Variants in SMG6 observed in about 807,000 individuals in gnomAD.
SMG6 encodes telomerase-binding protein EST1A.
SMG6 carries 66 observed loss-of-function variants against 142.2 expected under a neutral mutation model. That is an observed-to-expected ratio of 0.46 (90% CI 0.38 to 0.57). The LOEUF is 0.57. SMG6 is among the 20% of genes least tolerant of loss of function. SMG6 has a pLI of 0.00. For synonymous variants in SMG6, 779 were observed against 702.4 expected, an observed-to-expected ratio of 1.11 and a Z score of -1.72; for missense variants, 1,793 against 1,832.0, an observed-to-expected ratio of 0.98 and a Z score of 0.39.
rs199608381 is a variant in SMG6, at chr17:2,280,270, CTT to C, written c.2661+2375_2661+2376del. 2.7e-5 allele frequency among the ~76,000 whole-genome samples: 4 copies of C among 148,592 alleles called. No individual in the cohort carries two copies. In the South Asian group the frequency reaches 6.4e-4, roughly 24 times the overall value. ...GTTATGAAACTGCAGATTTCTTTTTCTTTTTTTTTTGAGACAAAGTCTGGCTT... is the reference window on the plus strand; with the variant it reads ...GTTATGAAACTGCAGATTTCTTTTTCTTTTTTTTGAGACAAAGTCTGGCTT... On this transcript the variant is annotated intron_variant, in intron 8 of 18. Transcript: ENST00000263073.
At position 2,284,387 on chromosome 17, in the gene SMG6, T is replaced by C. The variant is rs147978606; in HGVS notation, c.2338-652A>G. Reference sequence around the variant, plus strand: ...AATAAATAAGTAGCTGAGTTGAACATTTTATGGATATTATTCAAGAAATTC... The same window carrying C: ...AATAAATAAGTAGCTGAGTTGAACACTTTATGGATATTATTCAAGAAATTC... On this transcript the variant is annotated intron_variant, in intron 6 of 18. Transcript: ENST00000263073. 2.3e-4 allele frequency among the ~76,000 whole-genome samples: 35 copies of C among 152,276 alleles called. 1 individual carries two copies. In the East Asian group the frequency reaches 6.5e-3, roughly 28 times the overall value.
At chr17:2,144,415 C>T (rs557032531) in intron 13 of SMG6, among the ~76,000 whole-genome samples, 25 of 152,150 alleles carry the variant, frequency 1.6e-4, no homozygotes, top group Non-Finnish European at 3.1e-4. Flanking sequence ...TCATGTTTCC[C>T]GGGCGGGTCT....
In SMG6 at chr17:2,200,817, C is replaced by T. The variant is rs113563207; in HGVS notation, c.2870-12302G>A. Among the ~76,000 whole-genome samples, 824 of 152,272 alleles carry T rather than the reference C, an allele frequency of 5.4e-3. 4 individuals are homozygous for T. The highest frequency in any genetic ancestry group is 0.01 in the Middle Eastern group (3 of 294). On this transcript the variant is annotated intron_variant, in intron 10 of 18. Coordinates refer to ENST00000263073, the MANE Select transcript of SMG6 (RefSeq NM_017575.5). ...CTCAACTTTCCAGGTTCAAGCAATC[C>T]TCCCACCTCGGCCTCCCAACCTCCT...
chr17:2,254,201 T>C (rs1278705782), intron 8 of SMG6, among the ~76,000 whole-genome samples: 2 of 152,140 alleles, frequency 1.3e-5, no homozygotes, highest in African/African-American at 4.8e-5. Flanking sequence ...ACCCAAATAG[T>C]AGGGGAGCTA....
At chr17:2,126,373 GAC>G (rs1394753279) in intron 13 of SMG6, among the ~76,000 whole-genome samples, 5 of 152,136 alleles carry the variant, frequency 3.3e-5, no homozygotes, top group African/African-American at 1.2e-4. Flanking sequence ...AAATCTTTAT[GAC>G]ACTGGATTTG....
intron 10 of SMG6, 56 bp downstream of exon 10, chr17:2,236,436 G>A (rs2073655016): frequency 6.4e-7 from 1 of 1,550,644 alleles, no homozygotes; most frequent in African/African-American, 1.4e-5. Flanking sequence ...CAAGAAAGAA[G>A]CTACATTAAT....
chr17:2,248,489 C>T lies in SMG6; in HGVS notation c.2662-3770G>A, dbSNP rs142909585. Among the ~76,000 whole-genome samples the T allele has an allele frequency of 6.7e-3, 1,027 of 152,290 alleles. 5 individuals carry two copies. Among genetic ancestry groups the T allele is most frequent in the Non-Finnish European group, 0.011 (739 of 68,010 alleles). The stretch of plus-strand genomic sequence containing the variant: ...GCTTCTATGTGTACTTCACAAACAT[C>T]CTTCCCTTAGGGTAGGAGATGAAGC... On this transcript the variant is annotated intron_variant, in intron 8 of 18. Coordinates refer to ENST00000263073, the MANE Select transcript of SMG6 (RefSeq NM_017575.5).
intron 8 of SMG6, among the ~76,000 whole-genome samples, chr17:2,256,770 A>G (rs1454633937): frequency 8.6e-6 from 1 of 116,246 alleles, no homozygotes; most frequent in Admixed American, 9.4e-5. Context: ...GTGAGACTTA[A>G]TTTTTAAAAA....
intron 8 of SMG6, among the ~76,000 whole-genome samples, chr17:2,257,919 G>C (rs2074220734): frequency 6.7e-6 from 1 of 148,202 alleles, no homozygotes; most frequent in Non-Finnish European, 1.5e-5. Context: ...TGAGGCAGGA[G>C]AATCACTTGA....
chr17:2,279,029 T>C (rs1314871950), intron 8 of SMG6, among the ~76,000 whole-genome samples: 1 of 152,052 alleles, frequency 6.6e-6, no homozygotes, highest in Non-Finnish European at 1.5e-5. Flanking sequence ...TCACAGGGCC[T>C]TCAATCTAGC....
At chr17:2,069,335 CAG>C (rs889062259) in intron 15 of SMG6, among the ~76,000 whole-genome samples, 11 of 151,458 alleles carry the variant, frequency 7.3e-5, no homozygotes, top group East Asian at 5.8e-4. Context: ...AAAATGCAAA[CAG>C]AATCTGTTAT....
chr17:2,123,285 C>A (rs142933003), intron 13 of SMG6, among the ~76,000 whole-genome samples: 252 of 152,300 alleles, frequency 1.7e-3, no homozygotes, highest in Non-Finnish European at 3.0e-3. Context: ...GGAGTAGACC[C>A]AGGGGTGCTG....
Position 2,299,572 on chromosome 17 carries a change from G to C in SMG6, c.1181C>G (p.Ser394Cys), listed in dbSNP as rs372179343. The change falls in exon 2 of 19, where the codon TCC (serine) becomes TGC (cysteine). Residue 394 changes from serine (S) to cysteine (C), a missense_variant. Ser to Cys is a moderately radical substitution (Grantham distance 112). This residue lies in a region of SMG6 where 1,597 missense variants were observed against 1,584.6 expected (regional missense o/e 1.01). Transcript: ENST00000263073. This position sits in a 1 kb window ranked among gnomAD's most constrained non-coding sequence, Gnocchi z 4.3. ...SGGKGSEKQE[S>C]KNPKQELRGR... ...CCGAAGTTCTTGTTTCGGGTTTTTG[G>C]ACTCCTGCTTCTCAGAGCCTTTGCC... The C allele has an allele frequency of 3.1e-6, 5 of 1,613,990 alleles. No homozygotes were observed. The highest frequency in any genetic ancestry group is 4.2e-6 in the Non-Finnish European group (5 of 1,180,030).
chr17:2,290,032 A>G (rs2074997809), intron 6 of SMG6, among the ~76,000 whole-genome samples: 1 of 151,722 alleles, frequency 6.6e-6, no homozygotes, highest in African/African-American at 2.4e-5. Flanking sequence ...CAGCACATGA[A>G]AAGATGCACA....
At chr17:2,256,378 A>G (rs1047225231) in intron 8 of SMG6, among the ~76,000 whole-genome samples, 1 of 152,098 alleles carries the variant, frequency 6.6e-6, no homozygotes, top group Non-Finnish European at 1.5e-5. Flanking sequence ...TTGGACAATC[A>G]TGAGCCCTGT....
chr17:2,244,096 C>T (rs2073874997), intron 9 of SMG6, among the ~76,000 whole-genome samples: 1 of 152,212 alleles, frequency 6.6e-6, no homozygotes, highest in Non-Finnish European at 1.5e-5. Flanking sequence ...GTTTTGCACA[C>T]ACTACCTTCC....
intron 10 of SMG6, among the ~76,000 whole-genome samples, chr17:2,192,565 C>T (rs1025424451): frequency 6.6e-6 from 1 of 152,184 alleles, no homozygotes; most frequent in African/African-American, 2.4e-5. Flanking sequence ...TCACCAATTC[C>T]CTCCCCACTG....
chr17:2,303,376 C>T (rs1386427121), intron 1 of SMG6: 2 of 1,233,724 alleles, frequency 1.6e-6, no homozygotes, highest in East Asian at 3.3e-5. Flanking sequence ...GGAACAGTCA[C>T]CTTCGCGGCG....
At chr17:2,105,223 A>G (rs1351394714) in intron 13 of SMG6, among the ~76,000 whole-genome samples, 1 of 148,884 alleles carries the variant, frequency 6.7e-6, no homozygotes, top group Non-Finnish European at 1.5e-5. Flanking sequence ...CACTGCACTC[A>G]GCCTACTTCA....
Sources: gnomAD v4.1 joint callset for allele counts (sites outside exome capture counted in the v4.1 genomes callset) on GRCh38, gnomAD v4.1.1 for gene constraint, gnomAD v4.1.1 regional missense constraint, Gnocchi (gnomAD v3.1) non-coding constraint, MANE v1.5 for transcripts, NCBI Gene and HGNC (gene_info 2026-07-23, HGNC 2026-07-21) for gene names.